DCBLD2: variants seen among roughly 807,000 people sequenced by gnomAD.
The protein encoded by DCBLD2 is discoidin, CUB and LCCL domain-containing protein 2.
A neutral mutation model predicts 86.8 loss-of-function variants in DCBLD2; 54 were observed. The ratio of observed to expected loss-of-function variants is 0.62; its 90% confidence interval spans 0.50 to 0.78. The LOEUF is 0.78. DCBLD2 is among the 30% of genes least tolerant of loss of function. DCBLD2 has a pLI of 0.00. For missense variants in DCBLD2, 908 were observed against 954.2 expected, an observed-to-expected ratio of 0.95 and a Z score of 0.64; for synonymous variants, 354 against 341.3, an observed-to-expected ratio of 1.04 and a Z score of -0.41.
rs761713543 is a variant in DCBLD2 at position 98,820,193 on chromosome 3, AG to A, written c.871+54del. On this transcript the variant is annotated intron_variant, in intron 7 of 15. Transcript: ENST00000326840. ...ATCAGCAACTGACACAGTGCCTAAC[AG>A]TGTTCAAAAAATATTATATAAATAA... The A allele has an allele frequency of 3.6e-4, 412 of 1,153,622 alleles. 1 individual carries two copies. The highest frequency in any genetic ancestry group is 4.3e-4 in the Non-Finnish European group (379 of 875,120). The allele number at this position is 1,153,622 out of a possible 1,614,324, so 71.5% of individuals were successfully genotyped here.
intron 3 of DCBLD2, among the ~76,000 whole-genome samples, chr3:98,836,711 G>T (rs1942462865): frequency 1.5e-5 from 1 of 64,538 alleles, no homozygotes; most frequent in Non-Finnish European, 3.7e-5. Flanking sequence ...GGGGCGGCTG[G>T]CCGGGCGGGG....
chr3:98,873,166 G>A (rs959046768), intron 2 of DCBLD2, among the ~76,000 whole-genome samples: 2 of 151,970 alleles, frequency 1.3e-5, no homozygotes, highest in Admixed American at 1.3e-4. Context: ...ATTTAAAATG[G>A]AGATATTAGA....
intron 1 of DCBLD2, among the ~76,000 whole-genome samples, chr3:98,885,604 C>T (rs1484349160): frequency 1.3e-5 from 2 of 151,958 alleles, no homozygotes; most frequent in African/African-American, 4.8e-5. Flanking sequence ...AGACCTCGTT[C>T]TCATTTTCAC....
intron 13 of DCBLD2, among the ~76,000 whole-genome samples, chr3:98,803,238 T>C (rs1941763410): frequency 6.6e-6 from 1 of 152,216 alleles, no homozygotes; most frequent in Non-Finnish European, 1.5e-5. Flanking sequence ...CAGTGGTTTG[T>C]AGTTCTCTTT....
At chr3:98,868,567 G>A (rs1008544695) in intron 2 of DCBLD2, among the ~76,000 whole-genome samples, 1 of 152,072 alleles carries the variant, frequency 6.6e-6, no homozygotes, top group African/African-American at 2.4e-5. Context: ...CACCCAAATA[G>A]TGTACAGTGT....
At chr3:98,875,519 C>T (rs1027417553) in intron 2 of DCBLD2, among the ~76,000 whole-genome samples, 9 of 152,078 alleles carry the variant, frequency 5.9e-5, no homozygotes, top group Non-Finnish European at 7.4e-5. Flanking sequence ...AAAACACCAA[C>T]GAGCTTTTTT....
At chr3:98,823,602 A>G (rs1269640429) in intron 4 of DCBLD2, among the ~76,000 whole-genome samples, 1 of 150,556 alleles carries the variant, frequency 6.6e-6, no homozygotes. Context: ...AAGACATTAA[A>G]CCAATACTTA....
chr3:98,885,143 AG>A (rs1943539846), intron 1 of DCBLD2, among the ~76,000 whole-genome samples: 1 of 151,932 alleles, frequency 6.6e-6, no homozygotes, highest in Non-Finnish European at 1.5e-5. Context: ...GGGGGAGGGC[AG>A]GAACAGTCCA....
intron 4 of DCBLD2, among the ~76,000 whole-genome samples, chr3:98,823,169 G>A (rs998174267): frequency 1.3e-4 from 20 of 152,130 alleles, no homozygotes; most frequent in African/African-American, 3.9e-4. Context: ...GACTGTGCCC[G>A]GCCAGGACCA....
At chr3:98,893,647 T>C (rs1158437320) in intron 1 of DCBLD2, among the ~76,000 whole-genome samples, 1 of 152,012 alleles carries the variant, frequency 6.6e-6, no homozygotes, top group African/African-American at 2.4e-5. Context: ...AAAGCAGAGA[T>C]ACAAGGTACC....
intron 2 of DCBLD2, among the ~76,000 whole-genome samples, chr3:98,851,049 CCT>C (rs1336454571): frequency 1.3e-5 from 2 of 152,108 alleles, no homozygotes; most frequent in Admixed American, 6.5e-5. Flanking sequence ...ACAAGGATGC[CCT>C]CTCTCACCAC....
intron 9 of DCBLD2, chr3:98,814,593 GA>G (rs1049789109): frequency 5.9e-5 from 9 of 151,982 alleles, no homozygotes; most frequent in Non-Finnish European, 1.3e-4. Context: ...GATATATTAT[GA>G]AAACAAATTG....
intron 4 of DCBLD2, among the ~76,000 whole-genome samples, chr3:98,825,016 T>A (rs1213080317): frequency 2.0e-5 from 3 of 152,152 alleles, no homozygotes; most frequent in Admixed American, 2.0e-4. Flanking sequence ...GATAAATACC[T>A]TTTCAACTTT....
chr3:98,838,547 C>G (rs1305524385), intron 3 of DCBLD2, among the ~76,000 whole-genome samples: 1 of 148,658 alleles, frequency 6.7e-6, no homozygotes, highest in African/African-American at 2.5e-5. Context: ...GGCGGAGACG[C>G]TCCTCACTTT....
At chr3:98,805,291 A>G (rs1422441837) in intron 13 of DCBLD2, among the ~76,000 whole-genome samples, 1 of 152,202 alleles carries the variant, frequency 6.6e-6, no homozygotes, top group Admixed American at 6.5e-5. Context: ...ACTTGAATGG[A>G]AAAGAAATAA....
intron 2 of DCBLD2, among the ~76,000 whole-genome samples, chr3:98,855,738 G>A (rs1022732586): frequency 3.3e-5 from 5 of 152,262 alleles, no homozygotes; most frequent in Middle Eastern, 3.4e-3. Flanking sequence ...GCATTCAGAT[G>A]GGCTGAAATA....
chr3:98,797,968 T>C lies in DCBLD2; in HGVS notation c.*1404A>G, dbSNP rs1941644540. On this transcript the variant is annotated 3_prime_UTR_variant, in exon 16 of 16. Coordinates refer to ENST00000326840, the MANE Select transcript of DCBLD2 (RefSeq NM_080927.4). ...ATCATATGGTGAGCTGCTCATGTCGTCTTGACAGTCTGAAGGCTTTAAAAG... is the reference window on the plus strand; with the variant it reads ...ATCATATGGTGAGCTGCTCATGTCGCCTTGACAGTCTGAAGGCTTTAAAAG... 6.6e-6 allele frequency: 1 copy of C among 152,218 alleles called. No homozygotes were observed. Among genetic ancestry groups the C allele is most frequent in the South Asian group, 2.1e-4 (1 of 4,832 alleles). The allele number at this position is 152,218 out of a possible 1,614,324, so 9.4% of individuals were successfully genotyped here.
intron 2 of DCBLD2, among the ~76,000 whole-genome samples, chr3:98,852,716 T>C (rs770826284): frequency 6.6e-5 from 10 of 152,372 alleles, no homozygotes; most frequent in Non-Finnish European, 1.3e-4. Flanking sequence ...GAGAGACACA[T>C]GCCAGGTGGC....
intron 3 of DCBLD2, among the ~76,000 whole-genome samples, chr3:98,843,754 TA>T: frequency 6.6e-6 from 1 of 152,300 alleles, no homozygotes; most frequent in East Asian, 1.9e-4. Context: ...TTACAAGTCT[TA>T]AGTGCACTGT....
Sources: gnomAD v4.1 joint callset for allele counts (sites outside exome capture counted in the v4.1 genomes callset) on GRCh38, gnomAD v4.1.1 for gene constraint, MANE v1.5 for transcripts, NCBI Gene and HGNC (gene_info 2026-07-23, HGNC 2026-07-21) for gene names.